FSTL4: variants seen among roughly 807,000 people sequenced by gnomAD.
FSTL4 encodes the protein follistatin-related protein 4.
Under a neutral mutation model 78.2 loss-of-function variants are expected in FSTL4, and 28 were observed. The ratio of observed to expected loss-of-function variants is 0.36; its 90% CI spans 0.27 to 0.49. FSTL4 has a LOEUF of 0.49. FSTL4 is among the 20% of genes least tolerant of loss of function. The pLI is 0.98. For synonymous variants in FSTL4, 422 were observed against 440.5 expected (o/e 0.96, Z 0.53); for missense variants, 922 against 1,084.9 (o/e 0.85, Z 2.11).
the FSTL4 span, among the ~76,000 whole-genome samples, chr5:133,654,205 C>A: frequency 6.6e-6 from 1 of 152,332 alleles, no homozygotes; most frequent in African/African-American, 2.4e-5. Context: ...AACGGTGAAA[C>A]CAGAGTGCTT....
In FSTL4 at chr5:133,525,084, G is replaced by A. The variant is rs192101232; in HGVS notation, c.160+42102C>T. Among the ~76,000 whole-genome samples, 6 of 152,220 alleles carry A rather than the reference G, an allele frequency of 3.9e-5. No homozygotes were observed. In the East Asian group the frequency reaches 5.8e-4, roughly 15 times the overall value. ...AGCAGACGGGTGCCCCAGCCTTTCC[G>A]CTGTTCTGGCAAAACAGGCCCACAG... On this transcript the variant is annotated intron_variant, in intron 3 of 15. Transcript: ENST00000265342.
At position 133,400,880 on chromosome 5, in the gene FSTL4, G is replaced by A; in HGVS notation, c.267C>T (p.Cys89=). The change falls in exon 4 of 16, where the codon TGC becomes TGT. Residue 89 remains cysteine, a synonymous_variant. Coordinates refer to ENST00000265342, the MANE Select transcript of FSTL4 (RefSeq NM_015082.2). The stretch of plus-strand genomic sequence containing the variant: ...CGTAGCTGGGCCTGCATGCCTCCAG[G>A]CACTGGCATTCGGGCTCCCCTGTCT... ...SRKTGEPECQ[C]LEACRPSYVP... is the part of the protein sequence containing the mutation. 6.2e-7 allele frequency: 1 copy of A among 1,613,918 alleles called. No homozygotes were observed. The highest frequency in any genetic ancestry group is 8.5e-7 in the Non-Finnish European group (1 of 1,180,042).
intron 4 of FSTL4, among the ~76,000 whole-genome samples, chr5:133,395,264 G>A (rs1246254262): frequency 2.6e-5 from 4 of 152,114 alleles, no homozygotes; most frequent in Non-Finnish European, 4.4e-5. Flanking sequence ...CACTGCCTTA[G>A]GTCTGCAGCT....
At chr5:133,826,577 T>C in the FSTL4 span, among the ~76,000 whole-genome samples, 4 of 152,188 alleles carry the variant, frequency 2.6e-5, no homozygotes. Context: ...TCTTCGTGTG[T>C]CTTCTCTGTG....
At chr5:133,726,117 A>G in the FSTL4 span, among the ~76,000 whole-genome samples, 1 of 152,176 alleles carries the variant, frequency 6.6e-6, no homozygotes. Flanking sequence ...GGCTGATAGC[A>G]TCTCCTCCAT....
At chr5:133,723,113 T>C in the FSTL4 span, among the ~76,000 whole-genome samples, 1 of 152,012 alleles carries the variant, frequency 6.6e-6, no homozygotes, top group African/African-American at 2.4e-5. Flanking sequence ...AGGGTCTGGG[T>C]TTAGGATCTT....
the FSTL4 span, among the ~76,000 whole-genome samples, chr5:133,794,464 G>A: frequency 6.6e-6 from 1 of 152,212 alleles, no homozygotes; most frequent in Non-Finnish European, 1.5e-5. Flanking sequence ...GGGCAGGAAA[G>A]CCTGGGTTCT....
chr5:133,630,569 C>G, the FSTL4 span, among the ~76,000 whole-genome samples: 609 of 152,216 alleles, frequency 4.0e-3, 4 homozygotes, highest in African/African-American at 0.014. Context: ...CCATATTGCC[C>G]AAAGTAATTT....
the FSTL4 span, among the ~76,000 whole-genome samples, chr5:133,831,703 G>T: frequency 6.6e-6 from 1 of 152,206 alleles, no homozygotes; most frequent in East Asian, 1.9e-4. Flanking sequence ...TGCCCTCTGG[G>T]GATGATTCAT....
At chr5:133,751,983 A>G in the FSTL4 span, among the ~76,000 whole-genome samples, 1 of 152,182 alleles carries the variant, frequency 6.6e-6, no homozygotes. Context: ...TCTGCTGCTA[A>G]TGGAAGCTGG....
At chr5:133,732,743 C>G in the FSTL4 span, among the ~76,000 whole-genome samples, 1 of 150,000 alleles carries the variant, frequency 6.7e-6, no homozygotes, top group South Asian at 2.1e-4. Flanking sequence ...CCTCCGGCAG[C>G]AGTGAATTGA....
chr5:133,236,108 C>T lies in FSTL4; in HGVS notation c.895-2571G>A, dbSNP rs1751652623. On this transcript the variant is annotated intron_variant, in intron 7 of 15. Coordinates refer to ENST00000265342, the MANE Select transcript of FSTL4 (RefSeq NM_015082.2). This position sits in a 1 kb window ranked among gnomAD's most constrained non-coding sequence, Gnocchi z 5.0. ...TTGCAGGGAGCCTGGCGCTGTGGAC[C>T]TGCTGGCATTTTCCCTCCAAACTGC... Among the ~76,000 whole-genome samples the T allele has an allele frequency of 6.6e-6, 1 of 152,184 alleles. No homozygotes were observed. Among genetic ancestry groups the T allele is most frequent in the African/African-American group, 2.4e-5 (1 of 41,448 alleles).
rs1487285764 is a variant in FSTL4 at position 133,248,550 on chromosome 5, C to G, written c.894+860G>C. On this transcript the variant is annotated intron_variant, in intron 7 of 15. Transcript: ENST00000265342. Reference sequence around the variant, plus strand: ...GTGCCAAACCTGGACCAATAAATATCCTTGAATTATGCCACTTCTTTAAGT... The same window carrying G: ...GTGCCAAACCTGGACCAATAAATATGCTTGAATTATGCCACTTCTTTAAGT... 2 of 152,246 alleles carry G rather than the reference C, an allele frequency of 1.3e-5. 1 individual carries two copies. Among genetic ancestry groups the G allele is most frequent in the Non-Finnish European group, 2.9e-5 (2 of 68,052 alleles). The allele number at this position is 152,246 out of a possible 1,614,324, so 9.4% of individuals were successfully genotyped here. A position where few individuals can be genotyped will look rare whatever the true frequency, so the allele number is the denominator to read the frequency against.
the FSTL4 span, among the ~76,000 whole-genome samples, chr5:133,671,406 G>T: frequency 4.9e-5 from 7 of 141,788 alleles, no homozygotes; most frequent in South Asian, 2.3e-4. Flanking sequence ...GATAGATGCT[G>T]TTATTATCCT....
chr5:133,224,333 A>AT (rs1751258433), intron 10 of FSTL4, 117 bp from the exon 11 acceptor site: 2 of 738,228 alleles, frequency 2.7e-6, no homozygotes, highest in Admixed American at 2.2e-5. Flanking sequence ...TACCTAGTCC[A>AT]TCACTTACAG....
chr5:133,426,675 A>G lies in FSTL4; in HGVS notation c.161-25689T>C, dbSNP rs757316186. On this transcript the variant is annotated intron_variant, in intron 3 of 15. Coordinates refer to ENST00000265342, the MANE Select transcript of FSTL4 (RefSeq NM_015082.2). The surrounding 1 kb of genome is among the most constrained non-coding windows in gnomAD (Gnocchi z 5.0). ...AGTAGAAGCGGTGGCAATGGGGGCT[A>G]TGGAGGAGCAATCTCTGGCTGGAGG... 6.6e-6 allele frequency among the ~76,000 whole-genome samples: 1 copy of G among 152,068 alleles called. No homozygotes were observed. The highest frequency in any genetic ancestry group is 1.5e-5 in the Non-Finnish European group (1 of 68,002).
intron 6 of FSTL4, among the ~76,000 whole-genome samples, chr5:133,293,400 C>A (rs559121032): frequency 6.6e-6 from 1 of 152,362 alleles, no homozygotes; most frequent in African/African-American, 2.4e-5. Context: ...TTTGACCACA[C>A]CCTCCATGCT....
chr5:133,206,893 GCT>G (rs1490731418), intron 14 of FSTL4, among the ~76,000 whole-genome samples: 1 of 150,096 alleles, frequency 6.7e-6, no homozygotes, highest in Non-Finnish European at 1.5e-5. Flanking sequence ...CCTTGGTACA[GCT>G]TTCTCTGTAT....
the FSTL4 span, among the ~76,000 whole-genome samples, chr5:133,795,540 G>C: frequency 1.3e-5 from 2 of 152,206 alleles, no homozygotes; most frequent in Admixed American, 6.5e-5. Context: ...AGTTTAACAG[G>C]TTTCTTTAGC....
Sources: gnomAD v4.1 joint callset for allele counts (sites outside exome capture counted in the v4.1 genomes callset) on GRCh38, gnomAD v4.1.1 for gene constraint, Gnocchi (gnomAD v3.1) non-coding constraint, MANE v1.5 for transcripts, NCBI Gene and HGNC (gene_info 2026-07-23, HGNC 2026-07-21) for gene names.